FOCAD: variants seen among roughly 807,000 people sequenced by gnomAD.
FOCAD encodes focadhesin.
A neutral mutation model predicts 225.6 loss-of-function variants in FOCAD; 198 were observed. The ratio of observed to expected loss-of-function variants is 0.88; its 90% CI spans 0.78 to 0.99. The LOEUF (loss-of-function observed/expected upper bound fraction) is 0.99. Among genes scored for constraint, FOCAD ranks in the 50% least tolerant of loss-of-function variants. The probability of loss-of-function intolerance (pLI) is 0.00; values close to 1 mark genes in which losing one functional copy is unlikely to be tolerated. For synonymous variants in FOCAD, 897 were observed against 755.0 expected (o/e 1.19, Z -3.08); for missense variants, 2,713 against 2,123.6 (o/e 1.28, Z -5.46).
intron 1 of FOCAD, among the ~76,000 whole-genome samples, chr9:20,704,884 CAT>C (rs1308559120): frequency 6.6e-6 from 1 of 152,174 alleles, no homozygotes; most frequent in Non-Finnish European, 1.5e-5. Flanking sequence ...TTACAAAACA[CAT>C]ATTCTCATAG....
intron 19 of FOCAD, among the ~76,000 whole-genome samples, chr9:20,877,810 T>C (rs1830349878): frequency 1.3e-5 from 2 of 152,120 alleles, no homozygotes; most frequent in Admixed American, 6.6e-5. Context: ...CTTGGGAGGC[T>C]GAGACGAGAG....
At chr9:20,906,338 T>G (rs973423708) in intron 21 of FOCAD, among the ~76,000 whole-genome samples, 2 of 152,074 alleles carry the variant, frequency 1.3e-5, no homozygotes, top group African/African-American at 4.8e-5. Flanking sequence ...TCTCTTTTTT[T>G]TTTGGTCTGT....
intron 15 of FOCAD, among the ~76,000 whole-genome samples, chr9:20,843,649 T>G (rs1185052269): frequency 2.6e-5 from 4 of 152,148 alleles, no homozygotes; most frequent in African/African-American, 4.8e-5. Flanking sequence ...TATCTTTCTC[T>G]AGGTTTGGGA....
At chr9:20,704,502 G>C (rs927881508) in intron 1 of FOCAD, among the ~76,000 whole-genome samples, 4 of 152,258 alleles carry the variant, frequency 2.6e-5, no homozygotes, top group African/African-American at 9.6e-5. Flanking sequence ...TTCTTTTCCA[G>C]AGTAAGAATT....
intron 24 of FOCAD, among the ~76,000 whole-genome samples, 170 bp downstream of exon 24, chr9:20,917,107 A>C (rs998884882): frequency 2.6e-5 from 4 of 152,092 alleles, no homozygotes; most frequent in African/African-American, 9.7e-5. Context: ...GTGAATTCTT[A>C]CTACATGTCT....
intron 21 of FOCAD, among the ~76,000 whole-genome samples, chr9:20,887,437 G>A (rs1831194844): frequency 6.6e-6 from 1 of 152,024 alleles, no homozygotes; most frequent in African/African-American, 2.4e-5. Context: ...GTTTTACCAT[G>A]TTGGCCAGGC....
At chr9:20,894,487 TC>T (rs1472259117) in intron 21 of FOCAD, among the ~76,000 whole-genome samples, 2 of 152,112 alleles carry the variant, frequency 1.3e-5, no homozygotes, top group Non-Finnish European at 2.9e-5. Flanking sequence ...ATTTCGCATC[TC>T]CTTCCTCTTG....
chr9:20,861,043 A>C (rs908646823), intron 15 of FOCAD, among the ~76,000 whole-genome samples: 1 of 151,920 alleles, frequency 6.6e-6, no homozygotes, highest in Non-Finnish European at 1.5e-5. Context: ...ATTTCTGTTC[A>C]TTCTTTCTTC....
intron 8 of FOCAD, among the ~76,000 whole-genome samples, chr9:20,777,304 G>GTTT (rs35710134): frequency 1.8e-5 from 2 of 110,866 alleles, no homozygotes; most frequent in Non-Finnish European, 1.8e-5. Context: ...TTTCCTGTGG[G>GTTT]TTTTTTTTTT....
chr9:20,901,427 A>T (rs1189608381), intron 21 of FOCAD, among the ~76,000 whole-genome samples: 1 of 151,938 alleles, frequency 6.6e-6, no homozygotes, highest in African/African-American at 2.4e-5. Context: ...TTCCAATCCC[A>T]TTCTAGTTCG....
chr9:20,746,568 C>T (rs1469345447), intron 5 of FOCAD, among the ~76,000 whole-genome samples: 1 of 152,152 alleles, frequency 6.6e-6, no homozygotes, highest in East Asian at 1.9e-4. Context: ...AGTGTTTTTG[C>T]TCTTTGCCAT....
intron 28 of FOCAD, among the ~76,000 whole-genome samples, chr9:20,942,449 G>A (rs942680906): frequency 6.6e-6 from 1 of 152,172 alleles, no homozygotes; most frequent in African/African-American, 2.4e-5. Context: ...TTCCAGATGA[G>A]CCCAATATTC....
chr9:20,762,007 T>C (rs963604940), intron 6 of FOCAD, among the ~76,000 whole-genome samples: 2 of 152,196 alleles, frequency 1.3e-5, no homozygotes, highest in African/African-American at 4.8e-5. Flanking sequence ...AAATAGTATA[T>C]TGTCCTTAAG....
Position 20,990,191 on chromosome 9 carries a change from C to A in FOCAD, c.5073C>A (p.Leu1691=), listed in dbSNP as rs555351057. 2 of 1,614,202 alleles carry A rather than the reference C, an allele frequency of 1.2e-6. No individual in the cohort carries two copies. The highest frequency in any genetic ancestry group is 2.2e-5 in the South Asian group (2 of 91,086). Residue 1691 remains leucine (L), a synonymous_variant, in exon 42 of 44, where the codon CTC becomes CTA. Coordinates refer to ENST00000338382, the MANE Select transcript of FOCAD (RefSeq NM_001375567.1). ...VVAWADHTAP[L]LLGLSASWLP... is the part of the protein sequence containing the mutation. ...CATGGGCTGACCACACTGCCCCTCT[C>A]CTCCTCGGCCTCAGTGCCAGTTGGT...
intron 1 of FOCAD, among the ~76,000 whole-genome samples, chr9:20,685,195 A>ATTTTTTTTT (rs1563875171): frequency 1.6e-5 from 2 of 123,122 alleles, no homozygotes; most frequent in African/African-American, 6.7e-5. Context: ...TTGAGTTGGA[A>ATTTTTTTTT]ATTTTTTTTT....
intron 11 of FOCAD, among the ~76,000 whole-genome samples, chr9:20,816,245 T>C (rs1023917597): frequency 3.9e-5 from 6 of 152,194 alleles, no homozygotes; most frequent in Non-Finnish European, 1.5e-5. Context: ...TTATAAAATG[T>C]CAGTAAATAT....
intron 21 of FOCAD, among the ~76,000 whole-genome samples, chr9:20,898,391 C>T (rs1554719540): frequency 6.6e-6 from 1 of 151,522 alleles, no homozygotes; most frequent in Non-Finnish European, 1.5e-5. Context: ...AGTTGTCCCA[C>T]GGTTCTTAGA....
chr9:20,786,897 A>G, intron 10 of FOCAD: 1 of 300,930 alleles, frequency 3.3e-6, no homozygotes, highest in Non-Finnish European at 6.6e-6. Flanking sequence ...ATTTTTAAAC[A>G]CCTACTTCCT....
intron 6 of FOCAD, among the ~76,000 whole-genome samples, chr9:20,760,934 T>C (rs1053140677): frequency 1.3e-5 from 2 of 152,058 alleles, no homozygotes; most frequent in Admixed American, 6.6e-5. Context: ...GAAAGCAAAA[T>C]GTTGTAAGGA....
Sources: gnomAD v4.1 joint callset for allele counts (sites outside exome capture counted in the v4.1 genomes callset) on GRCh38, gnomAD v4.1.1 for gene constraint, MANE v1.5 for transcripts, NCBI Gene and HGNC (gene_info 2026-07-23, HGNC 2026-07-21) for gene names.